Variants in TYW1B observed in about 807,000 individuals in gnomAD.
TYW1B encodes S-adenosyl-L-methionine-dependent tRNA 4-demethylwyosine synthase TYW1B.
Under a neutral mutation model 86.9 loss-of-function variants are expected in TYW1B, and 73 were observed. The observed-to-expected ratio is 0.84, with a 90% CI of 0.70 to 1.02. The LOEUF is 1.02. TYW1B is among the 50% of genes least tolerant of loss of function. The pLI is 0.00. For synonymous variants in TYW1B, 248 were observed against 292.8 expected (o/e 0.85, Z 1.56); for missense variants, 637 against 827.4 (o/e 0.77, Z 2.82).
At chr7:72,690,045 G>A (rs1372444597) in intron 11 of TYW1B, among the ~76,000 whole-genome samples, 2 of 152,184 alleles carry the variant, frequency 1.3e-5, no homozygotes, top group African/African-American at 2.4e-5. Flanking sequence ...CCTAACATCT[G>A]TAGAGAGAGG....
At position 72,747,225 on chromosome 7, in the gene TYW1B, A is replaced by G. The variant is rs547566579; in HGVS notation, c.965-2624T>C. Among the ~76,000 whole-genome samples, 5 of 152,250 alleles carry G rather than the reference A, an allele frequency of 3.3e-5. No individual in the cohort carries two copies. The East Asian group carries it at 9.6e-4, about 29-fold the overall frequency. On this transcript the variant is annotated intron_variant, in intron 7 of 13. Transcript: ENST00000620995. ...CACAGGTGCCGGTCTTTCCTGTACTATTCTTGTGATAGTGAATAAGTCTCA... is the reference window on the plus strand; with the variant it reads ...CACAGGTGCCGGTCTTTCCTGTACTGTTCTTGTGATAGTGAATAAGTCTCA...
chr7:72,733,594 G>A (rs1177537885), intron 8 of TYW1B, among the ~76,000 whole-genome samples: 1 of 152,148 alleles, frequency 6.6e-6, no homozygotes, highest in Non-Finnish European at 1.5e-5. Context: ...CCAGGAGGTG[G>A]AGGTTGCAGT....
intron 13 of TYW1B, among the ~76,000 whole-genome samples, chr7:72,577,648 G>A (rs1262637296): frequency 1.3e-5 from 2 of 152,158 alleles, no homozygotes; most frequent in East Asian, 3.9e-4. Flanking sequence ...CCTTCCTCTG[G>A]GCCGCAGCCA....
intron 6 of TYW1B, among the ~76,000 whole-genome samples, chr7:72,786,520 A>G (rs1421474597): frequency 1.3e-5 from 2 of 152,034 alleles, no homozygotes; most frequent in African/African-American, 2.4e-5. Context: ...ACATACCCAC[A>G]AATTATCCCA....
intron 7 of TYW1B, among the ~76,000 whole-genome samples, chr7:72,767,033 G>T (rs56003672): frequency 0.55 from 82,917 of 151,840 alleles, 24,633 homozygotes; most frequent in Non-Finnish European, 0.67. Flanking sequence ...AAATCAAAAT[G>T]GAGTCACTAA....
chr7:72,719,154 A>AT (rs1281274129), intron 9 of TYW1B, among the ~76,000 whole-genome samples: 91 of 146,380 alleles, frequency 6.2e-4, no homozygotes, highest in Admixed American at 1.0e-3. Context: ...AATTATTATT[A>AT]TTTTTTTTTT....
chr7:72,583,906 C>T (rs1479179783), intron 13 of TYW1B, among the ~76,000 whole-genome samples: 3 of 152,194 alleles, frequency 2.0e-5, no homozygotes, highest in African/African-American at 7.2e-5. Context: ...GTAGAAGGGC[C>T]AAGATTCAAA....
chr7:72,804,512 A>G (rs1554476299), intron 5 of TYW1B, among the ~76,000 whole-genome samples: 2 of 152,070 alleles, frequency 1.3e-5, no homozygotes, highest in African/African-American at 4.8e-5. Context: ...ATGAATGAGC[A>G]TGGCCATGCT....
rs114709381 is a variant in TYW1B, at chr7:72,689,205, G to C, written c.1506+5482C>G. Among the ~76,000 whole-genome samples the C allele has an allele frequency of 6.7e-3, 1,023 of 152,190 alleles. 12 individuals are homozygous for C. The highest frequency in any genetic ancestry group is 0.021 in the African/African-American group (880 of 41,524). Reference sequence around the variant, plus strand: ...ATAAACCAAATAGGTCAATAAGAAGGGAAACTTGTCAGAACCATGAAACGG... The same window carrying C: ...ATAAACCAAATAGGTCAATAAGAAGCGAAACTTGTCAGAACCATGAAACGG... On this transcript the variant is annotated intron_variant, in intron 11 of 13. Coordinates refer to ENST00000620995, the MANE Select transcript of TYW1B (RefSeq NM_001145440.3).
intron 11 of TYW1B, among the ~76,000 whole-genome samples, chr7:72,686,639 T>C (rs1170921411): frequency 1.3e-5 from 2 of 152,164 alleles, no homozygotes; most frequent in Admixed American, 6.6e-5. Context: ...TACATGTCAC[T>C]ATACATTTGT....
At chr7:72,685,604 C>T (rs1813991084) in intron 11 of TYW1B, among the ~76,000 whole-genome samples, 1 of 55,244 alleles carries the variant, frequency 1.8e-5, no homozygotes. Flanking sequence ...TAGAAATCCA[C>T]ATGCAAAAAA....
Position 72,684,231 on chromosome 7 carries a change from C to T in TYW1B, c.1506+10456G>A, listed in dbSNP as rs186879962. On this transcript the variant is annotated intron_variant, in intron 11 of 13. Coordinates refer to ENST00000620995, the MANE Select transcript of TYW1B (RefSeq NM_001145440.3). ...CCCCAAACCACAGTTTGTCAGGAGG[C>T]TCCCACAACACCAAGTAGGATAAAT... is the stretch of plus-strand genomic sequence containing the variant. 2.7e-3 allele frequency among the ~76,000 whole-genome samples: 411 copies of T among 152,240 alleles called. 1 individual carries two copies. Among genetic ancestry groups the T allele is most frequent in the African/African-American group, 8.9e-3 (370 of 41,554 alleles).
chr7:72,750,453 T>C (rs543781409), intron 7 of TYW1B, among the ~76,000 whole-genome samples: 12 of 152,322 alleles, frequency 7.9e-5, no homozygotes, highest in African/African-American at 2.9e-4. Context: ...TGCTACCTTA[T>C]AGGTAATAGA....
intron 13 of TYW1B, among the ~76,000 whole-genome samples, chr7:72,596,851 G>GA (rs1490705692): frequency 6.6e-6 from 1 of 151,566 alleles, no homozygotes; most frequent in African/African-American, 2.4e-5. Flanking sequence ...AGAAAATGGG[G>GA]AAAAAAATTG....
At chr7:72,600,882 C>A (rs1308579286) in intron 13 of TYW1B, among the ~76,000 whole-genome samples, 2 of 151,852 alleles carry the variant, frequency 1.3e-5, no homozygotes, top group Non-Finnish European at 2.9e-5. Context: ...AAGGGCCGGG[C>A]GTGGTGGCTC....
intron 13 of TYW1B, among the ~76,000 whole-genome samples, chr7:72,591,748 G>A (rs1363142182): frequency 3.3e-5 from 5 of 152,132 alleles, no homozygotes; most frequent in African/African-American, 9.7e-5. Context: ...AAAGATCATA[G>A]TAAAGGTAAA....
At chr7:72,799,390 T>C (rs1788364858) in intron 6 of TYW1B, among the ~76,000 whole-genome samples, 1 of 151,948 alleles carries the variant, frequency 6.6e-6, no homozygotes, top group East Asian at 1.9e-4. Context: ...CTCGAGCTCC[T>C]GACCTCAAGC....
intron 11 of TYW1B, among the ~76,000 whole-genome samples, chr7:72,693,063 T>C (rs1814212013): frequency 2.0e-5 from 3 of 152,036 alleles, no homozygotes; most frequent in Admixed American, 2.0e-4. Flanking sequence ...CAAGCAGATC[T>C]CAGATGCCAT....
intron 8 of TYW1B, among the ~76,000 whole-genome samples, chr7:72,744,272 T>C (rs555847834): frequency 5.9e-5 from 9 of 152,276 alleles, no homozygotes; most frequent in East Asian, 5.8e-4. Context: ...ACTGTCCAAA[T>C]GGATGTTTAC....
Sources: allele counts gnomAD v4.1 joint callset (sites outside exome capture counted in the v4.1 genomes callset), GRCh38; gene constraint gnomAD v4.1.1; transcripts MANE v1.5; gene names NCBI Gene and HGNC (gene_info 2026-07-23, HGNC 2026-07-21).